GPC5: variants seen among roughly 807,000 people sequenced by gnomAD.
GPC5 encodes the protein glypican-5.
GPC5 carries 47 observed loss-of-function variants against 53.9 expected under a neutral mutation model. The ratio of observed to expected loss-of-function variants is 0.87; its 90% CI spans 0.69 to 1.11. The LOEUF (loss-of-function observed/expected upper bound fraction) is 1.11, where lower values mean the gene tolerates loss of function less well. GPC5 is among the 50% of genes most tolerant of loss of function. The probability of loss-of-function intolerance (pLI) is 0.00; values close to 1 mark genes in which losing one functional copy is unlikely to be tolerated. For synonymous variants in GPC5, 286 were observed against 263.3 expected (o/e 1.09, Z -0.84); for missense variants, 748 against 713.1 (o/e 1.05, Z -0.56).
intron 7 of GPC5, among the ~76,000 whole-genome samples, chr13:92,744,858 GGATA>G (rs1889202604): frequency 6.6e-6 from 1 of 151,946 alleles, no homozygotes; most frequent in Admixed American, 6.6e-5. Context: ...ATGGCCAGAT[GGATA>G]GATAGGTAGA....
intron 6 of GPC5, among the ~76,000 whole-genome samples, chr13:92,068,427 G>T (rs1426597913): frequency 6.6e-6 from 1 of 151,556 alleles, no homozygotes; most frequent in Non-Finnish European, 1.5e-5. Context: ...TTTTAGTTTA[G>T]ATTTTCTACG....
chr13:92,080,512 T>A (rs2041286855), intron 6 of GPC5, among the ~76,000 whole-genome samples: 1 of 152,226 alleles, frequency 6.6e-6, no homozygotes, highest in African/African-American at 2.4e-5. Flanking sequence ...AATCCAACCT[T>A]ATTATGATTT....
At chr13:92,354,997 A>G (rs2043510280) in intron 7 of GPC5, among the ~76,000 whole-genome samples, 4 of 151,460 alleles carry the variant, frequency 2.6e-5, no homozygotes, top group African/African-American at 7.3e-5. Flanking sequence ...ATATAATTTA[A>G]TATTAAATTA....
intron 6 of GPC5, among the ~76,000 whole-genome samples, chr13:91,977,462 A>G (rs2040314294): frequency 6.6e-6 from 1 of 152,298 alleles, no homozygotes; most frequent in South Asian, 2.1e-4. Flanking sequence ...TGACTGTGCA[A>G]CATGTCATTT....
chr13:92,813,465 C>T (rs192320099), intron 7 of GPC5, among the ~76,000 whole-genome samples: 1 of 151,972 alleles, frequency 6.6e-6, no homozygotes, highest in Non-Finnish European at 1.5e-5. Flanking sequence ...AGCATTCCCA[C>T]AGCTTCTACT....
chr13:92,424,876 G>A lies in GPC5; in HGVS notation c.1561+279887G>A, dbSNP rs528611721. Among the ~76,000 whole-genome samples the A allele has an allele frequency of 5.9e-5, 9 of 151,932 alleles. No individual in the cohort carries two copies. The South Asian group carries it at 1.7e-3, about 28-fold the overall frequency. On this transcript the variant is annotated intron_variant, in intron 7 of 7. Transcript: ENST00000377067. ...ATGTACTGAGTCCTACTATATTCCA[G>A]ACACGTGAACTAGGTGGTGGGGATT...
At chr13:92,388,215 A>G (rs117269417) in intron 7 of GPC5, among the ~76,000 whole-genome samples, 2 of 152,164 alleles carry the variant, frequency 1.3e-5, no homozygotes, top group Non-Finnish European at 2.9e-5. Flanking sequence ...TTTTGCTAAT[A>G]TCTTGCTTGC....
At chr13:91,808,375 G>A (rs1050160183) in intron 5 of GPC5, among the ~76,000 whole-genome samples, 4 of 152,018 alleles carry the variant, frequency 2.6e-5, no homozygotes, top group African/African-American at 9.7e-5. Context: ...ATTTTTATGG[G>A]TTCTAACATA....
At chr13:91,628,667 T>A (rs769104348) in intron 2 of GPC5, among the ~76,000 whole-genome samples, 25 of 152,196 alleles carry the variant, frequency 1.6e-4, no homozygotes, top group Non-Finnish European at 2.9e-5. Flanking sequence ...TTATGATAAC[T>A]TTTAAGCAGC....
intron 7 of GPC5, among the ~76,000 whole-genome samples, chr13:92,797,921 C>T (rs1309224909): frequency 6.6e-6 from 1 of 151,622 alleles, no homozygotes; most frequent in Non-Finnish European, 1.5e-5. Context: ...TGGATAGATA[C>T]AGTTCATAGA....
intron 7 of GPC5, among the ~76,000 whole-genome samples, chr13:92,430,143 GT>G (rs1232250175): frequency 6.6e-6 from 1 of 151,734 alleles, no homozygotes; most frequent in Non-Finnish European, 1.5e-5. Flanking sequence ...GAAAAAAAAA[GT>G]GCTTATATAG....
At chr13:91,758,462 T>C (rs1025547909) in intron 5 of GPC5, among the ~76,000 whole-genome samples, 1 of 152,140 alleles carries the variant, frequency 6.6e-6, no homozygotes, top group Non-Finnish European at 1.5e-5. Context: ...AACCTTAATC[T>C]GAATTTATCC....
intron 7 of GPC5, among the ~76,000 whole-genome samples, chr13:92,635,983 A>G (rs1208370748): frequency 6.6e-6 from 1 of 152,260 alleles, no homozygotes; most frequent in African/African-American, 2.4e-5. Context: ...GCCATGGCCA[A>G]TAATGGCGAA....
At position 91,742,523 on chromosome 13, in the gene GPC5, T is replaced by C. The variant is rs147639554; in HGVS notation, c.1155-13772T>C. ...AAAATTATATTATGCACACTAGTCC[T>C]GAAAGAAGAGGCAGGTTCAACTATT... On this transcript the variant is annotated intron_variant, in intron 4 of 7. Coordinates refer to ENST00000377067, the MANE Select transcript of GPC5 (RefSeq NM_004466.6). Among the ~76,000 whole-genome samples the C allele has an allele frequency of 7.2e-5, 11 of 152,320 alleles. No homozygotes were observed. In the East Asian group the frequency reaches 2.1e-3, roughly 29 times the overall value.
At chr13:92,356,440 A>T (rs2043523195) in intron 7 of GPC5, among the ~76,000 whole-genome samples, 1 of 152,196 alleles carries the variant, frequency 6.6e-6, no homozygotes, top group South Asian at 2.1e-4. Flanking sequence ...CGAAACAGAA[A>T]AACCAGTTAA....
intron 7 of GPC5, among the ~76,000 whole-genome samples, chr13:92,825,861 C>T (rs1877829228): frequency 2.0e-5 from 3 of 152,032 alleles, no homozygotes; most frequent in South Asian, 4.1e-4. Flanking sequence ...TTACTCAATG[C>T]TGTGTTTTTC....
intron 7 of GPC5, among the ~76,000 whole-genome samples, chr13:92,176,482 CA>C (rs1211139533): frequency 6.6e-6 from 1 of 152,174 alleles, no homozygotes; most frequent in Non-Finnish European, 1.5e-5. Context: ...TCAACCTCAA[CA>C]ACAGACCAGG....
intron 5 of GPC5, among the ~76,000 whole-genome samples, chr13:91,828,487 T>A (rs1251989007): frequency 6.6e-6 from 1 of 152,022 alleles, no homozygotes; most frequent in African/African-American, 2.4e-5. Flanking sequence ...ATTGCAATGA[T>A]CATGACTATC....
intron 7 of GPC5, among the ~76,000 whole-genome samples, chr13:92,436,080 T>C (rs927144943): frequency 3.9e-5 from 6 of 152,198 alleles, no homozygotes; most frequent in African/African-American, 1.4e-4. Context: ...AAATTATTCA[T>C]TCAGACCATA....
Sources: allele counts gnomAD v4.1 joint callset (sites outside exome capture counted in the v4.1 genomes callset), GRCh38; gene constraint gnomAD v4.1.1; transcripts MANE v1.5; gene names NCBI Gene and HGNC (gene_info 2026-07-23, HGNC 2026-07-21).